Variants in PLCB1 observed in about 807,000 individuals in gnomAD.
PLCB1 encodes phospholipase C beta 1.
In PLCB1, 46 loss-of-function variants were observed where a neutral mutation model predicts 161.8. The ratio of observed to expected loss-of-function variants is 0.28; its 90% CI spans 0.22 to 0.36. The LOEUF (loss-of-function observed/expected upper bound fraction) is 0.36. Ranked by LOEUF, PLCB1 falls within the 10% of genes least tolerant of loss-of-function variation. The pLI is 1.00. For synonymous variants in PLCB1, 517 were observed against 503.7 expected, an observed-to-expected ratio of 1.03 and a Z score of -0.35; for missense variants, 1,016 against 1,472.5, an observed-to-expected ratio of 0.69 and a Z score of 5.07.
intron 2 of PLCB1, among the ~76,000 whole-genome samples, chr20:8,218,623 CT>C (rs1568594507): frequency 6.6e-6 from 1 of 151,280 alleles, no homozygotes; most frequent in Non-Finnish European, 1.5e-5. Flanking sequence ...ATAGTAAGCA[CT>C]CTATAGCTAT....
At chr20:8,586,661 T>C (rs1446427879) in intron 3 of PLCB1, among the ~76,000 whole-genome samples, 1 of 152,234 alleles carries the variant, frequency 6.6e-6, no homozygotes, top group Admixed American at 6.5e-5. Context: ...GAAAAAAATC[T>C]TGGAATGTTA....
chr20:8,452,934 T>C (rs920018766), intron 3 of PLCB1, among the ~76,000 whole-genome samples: 1 of 152,218 alleles, frequency 6.6e-6, no homozygotes, highest in Non-Finnish European at 1.5e-5. Flanking sequence ...TGGTTGAATG[T>C]CCCTGAGTAC....
intron 3 of PLCB1, among the ~76,000 whole-genome samples, chr20:8,401,172 T>A (rs2122473012): frequency 6.6e-6 from 1 of 152,302 alleles, no homozygotes; most frequent in Admixed American, 6.5e-5. Flanking sequence ...ATTGTGTTGT[T>A]TGTATTTCTA....
At chr20:8,375,113 T>C (rs1987029827) in intron 3 of PLCB1, among the ~76,000 whole-genome samples, 1 of 152,220 alleles carries the variant, frequency 6.6e-6, no homozygotes, top group South Asian at 2.1e-4. Context: ...GTTTTAAAAT[T>C]TCACATTAGA....
intron 2 of PLCB1, among the ~76,000 whole-genome samples, chr20:8,236,309 TG>T (rs772439542): frequency 3.4e-4 from 51 of 152,124 alleles, no homozygotes; most frequent in Non-Finnish European, 6.0e-4. Context: ...GGCAAGAGGA[TG>T]GCTTGAGGCC....
At chr20:8,696,460 AT>A (rs1990587431) in intron 10 of PLCB1, among the ~76,000 whole-genome samples, 1 of 151,986 alleles carries the variant, frequency 6.6e-6, no homozygotes, top group African/African-American at 2.4e-5. Context: ...ATTTTTCAAG[AT>A]TGCTTTTGGC....
chr20:8,547,632 T>G (rs982144183), intron 3 of PLCB1, among the ~76,000 whole-genome samples: 2 of 152,178 alleles, frequency 1.3e-5, no homozygotes, highest in Non-Finnish European at 2.9e-5. Context: ...TTTCTCTTTC[T>G]CAACTACCCC....
intron 2 of PLCB1, among the ~76,000 whole-genome samples, chr20:8,344,516 A>C (rs1985924610): frequency 6.6e-6 from 1 of 152,102 alleles, no homozygotes; most frequent in African/African-American, 2.4e-5. Context: ...TTCCCATTTC[A>C]TGCGCAAGTT....
intron 3 of PLCB1, among the ~76,000 whole-genome samples, chr20:8,424,843 G>C (rs1806646679): frequency 6.6e-6 from 1 of 152,070 alleles, no homozygotes; most frequent in Non-Finnish European, 1.5e-5. Context: ...AGGAAAGCAG[G>C]GATTTATTGA....
chr20:8,497,260 A>G (rs1971911493), intron 3 of PLCB1, among the ~76,000 whole-genome samples: 1 of 152,184 alleles, frequency 6.6e-6, no homozygotes, highest in South Asian at 2.1e-4. Flanking sequence ...GCCTATATAT[A>G]TGCATATAGT....
At chr20:8,666,291 T>C (rs1408220113) in intron 9 of PLCB1, among the ~76,000 whole-genome samples, 5 of 152,150 alleles carry the variant, frequency 3.3e-5, no homozygotes, top group African/African-American at 1.2e-4. Context: ...AAAAAGGTGC[T>C]TGCACTCAAA....
chr20:8,307,957 C>A (rs915745652), intron 2 of PLCB1, among the ~76,000 whole-genome samples: 2 of 151,832 alleles, frequency 1.3e-5, no homozygotes, highest in African/African-American at 4.8e-5. Flanking sequence ...ACAAAAACAC[C>A]TATACTTGAC....
intron 3 of PLCB1, among the ~76,000 whole-genome samples, chr20:8,616,778 G>A (rs1052622416): frequency 1.3e-5 from 2 of 152,196 alleles, no homozygotes; most frequent in Non-Finnish European, 2.9e-5. Context: ...CCCCCATGAG[G>A]AGAAAGCTGC....
chr20:8,527,483 A>C (rs1233572866), intron 3 of PLCB1, among the ~76,000 whole-genome samples: 1 of 152,166 alleles, frequency 6.6e-6, no homozygotes, highest in African/African-American at 2.4e-5. Flanking sequence ...GACAGTAAGA[A>C]TGTTGGTTGC....
chr20:8,432,738 C>G (rs534829762), intron 3 of PLCB1, among the ~76,000 whole-genome samples: 2 of 152,034 alleles, frequency 1.3e-5, no homozygotes, highest in African/African-American at 2.4e-5. Context: ...TTGAAGTTGC[C>G]AACATTAAAC....
chr20:8,299,881 A>G (rs141865019), intron 2 of PLCB1, among the ~76,000 whole-genome samples: 64 of 152,278 alleles, frequency 4.2e-4, no homozygotes, highest in Non-Finnish European at 6.5e-4. Flanking sequence ...ACTCTTGCTT[A>G]ACTTGGCTCA....
At chr20:8,587,225 T>C (rs1479049593) in intron 3 of PLCB1, among the ~76,000 whole-genome samples, 1 of 152,054 alleles carries the variant, frequency 6.6e-6, no homozygotes, top group Non-Finnish European at 1.5e-5. Context: ...GTGTAGAATC[T>C]ACTTAGCTTT....
intron 3 of PLCB1, among the ~76,000 whole-genome samples, chr20:8,554,690 C>T (rs1484900005): frequency 6.6e-6 from 1 of 152,066 alleles, no homozygotes; most frequent in African/African-American, 2.4e-5. Context: ...TGGTCATATA[C>T]ACTTGCCAAA....
At chr20:8,468,254 A>G (rs964601225) in intron 3 of PLCB1, among the ~76,000 whole-genome samples, 2 of 152,174 alleles carry the variant, frequency 1.3e-5, no homozygotes, top group Admixed American at 6.6e-5. Flanking sequence ...GTCTGTTTAC[A>G]TATATAAATA....
Sources: allele counts gnomAD v4.1 joint callset (sites outside exome capture counted in the v4.1 genomes callset), GRCh38; gene constraint gnomAD v4.1.1; transcripts MANE v1.5; gene names NCBI Gene and HGNC (gene_info 2026-07-23, HGNC 2026-07-21).